ERGIC1: variants seen among roughly 807,000 people sequenced by gnomAD.
The protein encoded by ERGIC1 is endoplasmic reticulum-Golgi intermediate compartment protein 1.
In ERGIC1, 19 loss-of-function variants were observed where a neutral mutation model predicts 38.3. That is an observed-to-expected ratio of 0.50 (90% CI 0.35 to 0.73). The LOEUF is 0.73. Among genes scored for constraint, ERGIC1 ranks in the 30% least tolerant of loss-of-function variants. ERGIC1 has a pLI of 0.01. For missense variants in ERGIC1, 294 were observed against 389.2 expected, an observed-to-expected ratio of 0.76 and a Z score of 2.06; for synonymous variants, 124 against 157.6, an observed-to-expected ratio of 0.79 and a Z score of 1.60.
intron 2 of ERGIC1, among the ~76,000 whole-genome samples, chr5:172,890,805 G>A (rs1046330668): frequency 1.2e-4 from 18 of 152,014 alleles, no homozygotes; most frequent in African/African-American, 4.1e-4. Context: ...GCCTGAGCAG[G>A]GTCCTGGGCC....
At chr5:172,919,108 G>T (rs999690234) in intron 5 of ERGIC1, among the ~76,000 whole-genome samples, 1 of 152,230 alleles carries the variant, frequency 6.6e-6, no homozygotes, top group Admixed American at 6.5e-5. Flanking sequence ...CCCGCCGTTG[G>T]TGGCCCATGT....
chr5:172,871,908 C>T (rs1762019700), intron 1 of ERGIC1, among the ~76,000 whole-genome samples: 1 of 152,188 alleles, frequency 6.6e-6, no homozygotes, highest in South Asian at 2.1e-4. Flanking sequence ...AAGTGATCAC[C>T]AACTAGCCTC....
chr5:172,869,823 C>T lies in ERGIC1; in HGVS notation c.21-18876C>T, dbSNP rs868289018. ...GGGAATTTGGTACAGCTTTCTGGAT[C>T]AGTTTTTGCCTTTAAGATGCATCTG... On this transcript the variant is annotated intron_variant, in intron 1 of 9. Coordinates refer to ENST00000393784, the MANE Select transcript of ERGIC1 (RefSeq NM_001031711.3). Among the ~76,000 whole-genome samples the T allele has an allele frequency of 2.6e-5, 4 of 152,178 alleles. No individual in the cohort carries two copies. In the South Asian group the frequency reaches 8.3e-4, roughly 32 times the overall value.
Position 172,926,297 on chromosome 5 carries a change from C to T in ERGIC1, c.481-212C>T, listed in dbSNP as rs1016712248. ...ATATGAAGGGGCCAGGATGGAGCAG[C>T]ACATAGTAGGGGCTAGAGATGGGAA... On this transcript the variant is annotated intron_variant, in intron 6 of 9. Coordinates refer to ENST00000393784, the MANE Select transcript of ERGIC1 (RefSeq NM_001031711.3). The surrounding 1 kb of genome is among the most constrained non-coding windows in gnomAD (Gnocchi z 5.2). Among the ~76,000 whole-genome samples, 31 of 152,202 alleles carry T rather than the reference C, an allele frequency of 2.0e-4. No homozygotes were observed. Among genetic ancestry groups the T allele is most frequent in the Non-Finnish European group, 3.4e-4 (23 of 68,030 alleles).
rs1429850022 is a variant in ERGIC1, at chr5:172,893,935, G to GTGTGTGTGTATATA, written c.83-3066_83-3065insGTGTGTGTATATAT. On this transcript the variant is annotated intron_variant, in intron 2 of 9. Transcript: ENST00000393784. Reference sequence around the variant, plus strand: ...TGTGTGTGTGTGTGTGTGTGTGTGTGTATATATATATATATATATTTAAAT... The same window carrying GTGTGTGTGTATATA: ...TGTGTGTGTGTGTGTGTGTGTGTGTGTGTGTGTGTATATATATATATATATATATATATTTAAAT... Among the ~76,000 whole-genome samples the GTGTGTGTGTATATA allele has an allele frequency of 2.1e-4, 9 of 42,818 alleles. No individual in the cohort carries two copies. The South Asian group carries it at 2.6e-3, about 12-fold the overall frequency. 28.1% of individuals were successfully genotyped at this position (42,818 alleles called of 152,430 possible). A position where few individuals can be genotyped will look rare whatever the true frequency, so the allele number is the denominator to read the frequency against.
chr5:172,887,399 C>T (rs1447279306), intron 1 of ERGIC1, among the ~76,000 whole-genome samples: 5 of 152,198 alleles, frequency 3.3e-5, no homozygotes, highest in Admixed American at 2.0e-4. Flanking sequence ...GCCTCCCCTG[C>T]GAGCTCTCTG....
rs369931035 is a variant in ERGIC1 at position 172,924,194 on chromosome 5, A to C, written c.480+85A>C. On this transcript the variant is annotated intron_variant, in intron 6 of 9. Transcript: ENST00000393784. ...CCAGTGCCCTCTGCCCTCTCTGGGC[A>C]CTAGGAAGAGTTACCGTTAAGGTGA... 1.0e-5 allele frequency: 13 copies of C among 1,298,244 alleles called. No homozygotes were observed. In the East Asian group the frequency reaches 3.2e-4, roughly 32 times the overall value. The allele number at this position is 1,298,244 out of a possible 1,614,324, so 80.4% of individuals were successfully genotyped here.
At chr5:172,929,153 A>ATATGTG (rs377203066) in intron 7 of ERGIC1, among the ~76,000 whole-genome samples, 8 of 149,956 alleles carry the variant, frequency 5.3e-5, no homozygotes, top group South Asian at 2.1e-4. Context: ...ATATATATAT[A>ATATGTG]TGTGTGTGTG....
chr5:172,895,935 C>A lies in ERGIC1; in HGVS notation c.83-1067C>A, dbSNP rs1388611307. ...CTGGGGCACTTGTTATGTCCTGCCC[C>A]CAAGGAGTGACTCCAAGGTCCACAA... On this transcript the variant is annotated intron_variant, in intron 2 of 9. Coordinates refer to ENST00000393784, the MANE Select transcript of ERGIC1 (RefSeq NM_001031711.3). Among the ~76,000 whole-genome samples the A allele has an allele frequency of 2.6e-5, 4 of 152,120 alleles. No homozygotes were observed. In the East Asian group the frequency reaches 5.8e-4, roughly 22 times the overall value.
chr5:172,928,918 C>T (rs975224425), intron 7 of ERGIC1, among the ~76,000 whole-genome samples: 6 of 152,176 alleles, frequency 3.9e-5, no homozygotes, highest in African/African-American at 7.2e-5. Context: ...GTTTAGTACA[C>T]GGCCTGCCAC....
chr5:172,865,051 C>CTTTTTTTTTTTTTTTTTTTTTTTTTTTTT (rs55657045), intron 1 of ERGIC1, among the ~76,000 whole-genome samples: 1 of 93,852 alleles, frequency 1.1e-5, no homozygotes, highest in Non-Finnish European at 2.2e-5. Context: ...GAAAGAAATT[C>CTTTTTTTTTTTTTTTTTTTTTTTTTTTTT]TTTTTTTTTT....
At chr5:172,914,306 C>T (rs1763293685) in intron 4 of ERGIC1, among the ~76,000 whole-genome samples, 2 of 151,728 alleles carry the variant, frequency 1.3e-5, no homozygotes, top group South Asian at 4.2e-4. Context: ...AAGCACTTTC[C>T]ACCTAGCGTT....
At chr5:172,882,437 A>C (rs1049690324) in intron 1 of ERGIC1, among the ~76,000 whole-genome samples, 2 of 152,164 alleles carry the variant, frequency 1.3e-5, no homozygotes, top group Non-Finnish European at 2.9e-5. Context: ...TGAGACCTTC[A>C]TCTGATTTAC....
intron 4 of ERGIC1, among the ~76,000 whole-genome samples, chr5:172,911,152 G>T (rs1359975416): frequency 6.6e-6 from 1 of 152,158 alleles, no homozygotes; most frequent in Non-Finnish European, 1.5e-5. Flanking sequence ...ACAGCTGAGA[G>T]AACACTGGGT....
At chr5:172,876,200 G>T (rs6882862) in intron 1 of ERGIC1, among the ~76,000 whole-genome samples, 50,575 of 152,000 alleles carry the variant, frequency 0.33, 8,527 homozygotes, top group East Asian at 0.45. Context: ...GGGCAGCCTG[G>T]TCTATCTGTT....
At chr5:172,870,617 A>G (rs10059331) in intron 1 of ERGIC1, among the ~76,000 whole-genome samples, 2,010 of 152,108 alleles carry the variant, frequency 0.013, 38 homozygotes, top group African/African-American at 0.046. Context: ...TTACATTTTT[A>G]TTTTCTCATG....
At chr5:172,851,061 C>T (rs560768106) in intron 1 of ERGIC1, among the ~76,000 whole-genome samples, 1 of 151,316 alleles carries the variant, frequency 6.6e-6, no homozygotes, top group South Asian at 2.1e-4. Flanking sequence ...ATTAGCCGGG[C>T]ATGATGGCAT....
At chr5:172,880,776 G>A (rs1253939477) in intron 1 of ERGIC1, among the ~76,000 whole-genome samples, 2 of 152,238 alleles carry the variant, frequency 1.3e-5, no homozygotes, top group East Asian at 3.8e-4. Flanking sequence ...GAGGAGCGTT[G>A]AGGGCAGGGG....
At chr5:172,856,325 A>C (rs1761547139) in intron 1 of ERGIC1, among the ~76,000 whole-genome samples, 1 of 152,250 alleles carries the variant, frequency 6.6e-6, no homozygotes, top group Non-Finnish European at 1.5e-5. Context: ...AGGTTTGGTC[A>C]GTCAGGCCAG....
Sources: gnomAD v4.1 joint callset for allele counts (sites outside exome capture counted in the v4.1 genomes callset) on GRCh38, gnomAD v4.1.1 for gene constraint, Gnocchi (gnomAD v3.1) non-coding constraint, MANE v1.5 for transcripts, NCBI Gene and HGNC (gene_info 2026-07-23, HGNC 2026-07-21) for gene names.